CHRNA3: variants seen among roughly 807,000 people sequenced by gnomAD.
CHRNA3 encodes the protein neuronal acetylcholine receptor subunit alpha-3.
In CHRNA3, 34 loss-of-function variants were observed where a neutral mutation model predicts 41.9. That is an observed-to-expected ratio of 0.81 (90% CI 0.62 to 1.08). The LOEUF is 1.08. Ranked by LOEUF, CHRNA3 falls within the 50% of genes least tolerant of loss-of-function variation. The probability of loss-of-function intolerance (pLI) is 0.00; values close to 1 mark genes in which losing one functional copy is unlikely to be tolerated. For synonymous variants in CHRNA3, 281 were observed against 265.2 expected (o/e 1.06, Z -0.58); for missense variants, 542 against 638.3 (o/e 0.85, Z 1.63).
At chr15:78,616,690 G>C (rs990545527) in intron 4 of CHRNA3, among the ~76,000 whole-genome samples, 6 of 151,938 alleles carry the variant, frequency 3.9e-5, no homozygotes, top group African/African-American at 1.2e-4. Flanking sequence ...CTGCCTCCCC[G>C]GGCCCTCCTC....
Position 78,601,469 on chromosome 15 carries a change from G to A in CHRNA3, c.1173C>T (p.Cys391=), listed in dbSNP as rs144519112. The A allele has an allele frequency of 5.6e-6, 9 of 1,614,044 alleles. No homozygotes were observed. Among genetic ancestry groups the A allele is most frequent in the East Asian group, 4.5e-5 (2 of 44,884 alleles). The change falls in exon 5 of 6, where the codon TGC becomes TGT. Residue 391 remains cysteine, a synonymous_variant. Transcript: ENST00000326828. ...NCFSRAESKG[C]KEGYPCQDGM... Reference sequence around the variant, plus strand: ...CGTCCTGGCAGGGGTAGCCCTCCTTGCAGCCTTTGGACTCTGCGCGGCTGA... The same window carrying A: ...CGTCCTGGCAGGGGTAGCCCTCCTTACAGCCTTTGGACTCTGCGCGGCTGA...
intron 4 of CHRNA3, among the ~76,000 whole-genome samples, chr15:78,613,156 G>A (rs1239537750): frequency 1.3e-5 from 2 of 152,206 alleles, no homozygotes. Flanking sequence ...GTGGAAGTCA[G>A]TGTGCCGATT....
intron 4 of CHRNA3, among the ~76,000 whole-genome samples, chr15:78,606,193 G>A (rs1187895552): frequency 6.6e-6 from 1 of 151,914 alleles, no homozygotes; most frequent in Non-Finnish European, 1.5e-5. Flanking sequence ...AGGCGTGGTG[G>A]CAGTCACCTG....
chr15:78,598,514 C>T (rs2053147480), intron 5 of CHRNA3, among the ~76,000 whole-genome samples: 1 of 151,918 alleles, frequency 6.6e-6, no homozygotes, highest in African/African-American at 2.4e-5. Context: ...CCCCACTCAG[C>T]TTCCTGAGTA....
chr15:78,593,234 T>C (rs746129356), downstream of CHRNA3: 15 of 1,610,634 alleles, frequency 9.3e-6, no homozygotes, highest in East Asian at 4.5e-5. Context: ...CCAGTTCATA[T>C]TGGAAATGCA....
Position 78,596,604 on chromosome 15 carries a change from T to G in CHRNA3, c.1518A>C (p.Ter506TyrextTer64). The G allele has an allele frequency of 1.9e-6, 3 of 1,600,848 alleles. No homozygotes were observed. Among genetic ancestry groups the G allele is most frequent in the Non-Finnish European group, 2.6e-6 (3 of 1,176,332 alleles). The change falls in exon 6 of 6, where the codon TAA becomes TAC. Residue 506 changes from the stop codon to tyrosine (Y), a stop_lost. Transcript: ENST00000326828. ...CCCAGGCAGGCACACAGCTTAGTGC[T>G]TATGCATCTTCCCTGGCCATCAGGG... ...LQPLMAREDA[*>Y]
chr15:78,603,405 C>T (rs1404427655), intron 4 of CHRNA3, among the ~76,000 whole-genome samples: 1 of 152,204 alleles, frequency 6.6e-6, no homozygotes, highest in Non-Finnish European at 1.5e-5. Context: ...TTGGGCATTC[C>T]ATCCGCGATG....
chr15:78,610,528 G>A (rs1374512160), intron 4 of CHRNA3, among the ~76,000 whole-genome samples: 3 of 152,032 alleles, frequency 2.0e-5, no homozygotes, highest in Admixed American at 1.3e-4. Flanking sequence ...TGAAACCAAT[G>A]AGAACAAAGA....
At chr15:78,619,015 T>G in intron 1 of CHRNA3, 100 bp from the exon 2 acceptor site, 3 of 1,314,126 alleles carry the variant, frequency 2.3e-6, no homozygotes, top group Non-Finnish European at 3.2e-6. Context: ...CCCCTCCACC[T>G]GTGGGGGGAT....
downstream of CHRNA3, chr15:78,593,205 A>G: frequency 1.2e-6 from 2 of 1,613,558 alleles, no homozygotes; most frequent in Non-Finnish European, 1.7e-6. Flanking sequence ...TTATTTATAA[A>G]TGGGCAAATA....
At chr15:78,608,141 G>A (rs2053326204) in intron 4 of CHRNA3, among the ~76,000 whole-genome samples, 1 of 152,236 alleles carries the variant, frequency 6.6e-6, no homozygotes, top group African/African-American at 2.4e-5. Context: ...CACCTCTGGG[G>A]GCAGGGCACA....
intron 4 of CHRNA3, among the ~76,000 whole-genome samples, chr15:78,605,848 G>A (rs542148306): frequency 5.9e-5 from 9 of 152,256 alleles, no homozygotes; most frequent in South Asian, 4.1e-4. Flanking sequence ...ATGACTGTGC[G>A]GTCATGTCAT....
At position 78,617,030 on chromosome 15, in the gene CHRNA3, T is replaced by TA. The variant is rs2053472884; in HGVS notation, c.370dup (p.Tyr124LeufsTer2). On this transcript the variant is annotated frameshift_variant, in exon 4 of 6. Coordinates refer to ENST00000326828, the MANE Select transcript of CHRNA3 (RefSeq NM_000743.5). LOFTEE classifies it high-confidence loss of function. The stretch of plus-strand genomic sequence containing the variant: ...GGGCCCCCCAGCACCTTACTTGTTA[T>TA]ACAGCACAATGTCTGGCTTCCAGAT... 6.2e-7 allele frequency: 1 copy of TA among 1,612,280 alleles called. No individual in the cohort carries two copies. The highest frequency in any genetic ancestry group is 8.5e-7 in the Non-Finnish European group (1 of 1,179,094).
chr15:78,616,353 C>G (rs1358953180), intron 4 of CHRNA3, among the ~76,000 whole-genome samples: 3 of 111,916 alleles, frequency 2.7e-5, no homozygotes, highest in Non-Finnish European at 3.6e-5. Context: ...TCAGTCTTCC[C>G]CCCCCCACCC....
chr15:78,619,177 G>T, intron 1 of CHRNA3: 1 of 531,308 alleles, frequency 1.9e-6, no homozygotes, highest in South Asian at 2.3e-5. Context: ...GGACAGATCT[G>T]GTGCAAATCC....
At chr15:78,605,976 C>T (rs2141331246) in intron 4 of CHRNA3, among the ~76,000 whole-genome samples, 1 of 152,126 alleles carries the variant, frequency 6.6e-6, no homozygotes, top group Non-Finnish European at 1.5e-5. Context: ...AAAAGTAAAG[C>T]AAGGCTATCT....
Position 78,602,132 on chromosome 15 carries a change from G to A in CHRNA3, c.510C>T (p.Tyr170=), listed in dbSNP as rs2053213981. The A allele has an allele frequency of 5.0e-6, 8 of 1,613,946 alleles. No homozygotes were observed. The highest frequency in any genetic ancestry group is 1.3e-5 in the African/African-American group (1 of 74,866). ...AACCGAACTTCATGGTACAGTTTTG[G>A]TAATCAAACGGGAAGTAGGTCACGT... is the stretch of plus-strand genomic sequence containing the variant. ...KIDVTYFPFD[Y]QNCTMKFGSW... is the part of the protein sequence containing the mutation. The change falls in exon 5 of 6, where the codon TAC becomes TAT. Residue 170 remains tyrosine (Y), a synonymous_variant. Coordinates refer to ENST00000326828, the MANE Select transcript of CHRNA3 (RefSeq NM_000743.5).
Position 78,601,295 on chromosome 15 carries a change from C to T in CHRNA3, c.1347G>A (p.Lys449=), listed in dbSNP as rs888723560. ...GTGCTTTCATATTTTCAGCAATATA[C>T]TTGACACTTTGGATGGCTTCTTTGA... ...PEIKEAIQSV[K]YIAENMKAQN... The change falls in exon 5 of 6, where the codon AAG becomes AAA. Residue 449 remains lysine, a synonymous_variant. Coordinates refer to ENST00000326828, the MANE Select transcript of CHRNA3 (RefSeq NM_000743.5). The T allele has an allele frequency of 6.2e-7, 1 of 1,614,080 alleles. No individual in the cohort carries two copies. Among genetic ancestry groups the T allele is most frequent in the Non-Finnish European group, 8.5e-7 (1 of 1,180,018 alleles).
At chr15:78,601,178 GC>G in intron 5 of CHRNA3, 74 bp downstream of exon 5, 1 of 1,471,584 alleles carries the variant, frequency 6.8e-7, no homozygotes, top group Non-Finnish European at 9.3e-7. Context: ...CCTACCCTAT[GC>G]CTTGCCCCAC....
Sources: allele counts gnomAD v4.1 joint callset (sites outside exome capture counted in the v4.1 genomes callset), GRCh38; gene constraint gnomAD v4.1.1; transcripts MANE v1.5; gene names NCBI Gene and HGNC (gene_info 2026-07-23, HGNC 2026-07-21).